PIKFYVE: variants seen among roughly 807,000 people sequenced by gnomAD.
PIKFYVE encodes the protein phosphoinositide kinase, FYVE-type zinc finger containing.
Under a neutral mutation model 257.9 loss-of-function variants are expected in PIKFYVE, and 122 were observed. The observed-to-expected ratio is 0.47, with a 90% CI of 0.41 to 0.55. The LOEUF (loss-of-function observed/expected upper bound fraction) is 0.55. Among genes scored for constraint, PIKFYVE ranks in the 20% least tolerant of loss-of-function variants. PIKFYVE has a pLI of 0.00. For synonymous variants in PIKFYVE, 892 were observed against 868.9 expected, an observed-to-expected ratio of 1.03 and a Z score of -0.47; for missense variants, 2,160 against 2,536.6, an observed-to-expected ratio of 0.85 and a Z score of 3.19.
In PIKFYVE at chr2:208,336,199, A is replaced by T; in HGVS notation, c.4519A>T (p.Arg1507Trp). 6.2e-7 allele frequency: 1 copy of T among 1,614,052 alleles called. No individual in the cohort carries two copies. Among genetic ancestry groups the T allele is most frequent in the South Asian group, 1.1e-5 (1 of 91,082 alleles). Residue 1507 changes from arginine (R) to tryptophan (W), a missense_variant and splice_region_variant, in exon 27 of 42, where the codon AGG becomes TGG. Coordinates refer to ENST00000264380, the MANE Select transcript of PIKFYVE (RefSeq NM_015040.4). ...TGAAGTGCTGCAAGCTTGGAATAAC[A>T]GGTGTGATTTTGCAGTCTGGTTTTC... Reference protein sequence around the residue: ...LCEVLQAWNNRLQDLFQQEKG... With the variant: ...LCEVLQAWNNWLQDLFQQEKG...
At chr2:208,335,686 A>T in intron 25 of PIKFYVE, 107 bp from the exon 26 acceptor site, 1 of 974,940 alleles carries the variant, frequency 1.0e-6, no homozygotes, top group South Asian at 1.4e-5. Context: ...TAATTAGGTA[A>T]AACATAATTT....
rs1159940499 is a variant in PIKFYVE at position 208,338,401 on chromosome 2, T to TA, written c.4612-106dup. On this transcript the variant is annotated intron_variant, in intron 28 of 41. Coordinates refer to ENST00000264380, the MANE Select transcript of PIKFYVE (RefSeq NM_015040.4). Reference sequence around the variant, plus strand: ...GGGGTTTTTAGTAATTTTTTAACGGTATAAATGGGTCCTGAGACCAAAAAG... The same window carrying TA: ...GGGGTTTTTAGTAATTTTTTAACGGTAATAAATGGGTCCTGAGACCAAAAAG... 4 of 890,252 alleles carry TA rather than the reference T, an allele frequency of 4.5e-6. No homozygotes were observed. The African/African-American group carries it at 5.0e-5, about 11-fold the overall frequency. 55.1% of individuals were successfully genotyped at this position (890,252 alleles called of 1,614,324 possible).
rs766910936 is a variant in PIKFYVE at position 208,325,905 on chromosome 2, ACCT to A, written c.3099_3101del (p.Ser1034del). Reference sequence around the variant, plus strand: ...TGGATTATATGTTACTGAGGAAGTCACCTCCTCTGAAGATAAACGAAAGACTTA... The same window carrying A: ...TGGATTATATGTTACTGAGGAAGTCACCTCTGAAGATAAACGAAAGACTTA... On this transcript the variant is annotated inframe_deletion, in exon 20 of 42. Coordinates refer to ENST00000264380, the MANE Select transcript of PIKFYVE (RefSeq NM_015040.4). 2 of 1,614,058 alleles carry A rather than the reference ACCT, an allele frequency of 1.2e-6. No individual in the cohort carries two copies. Among genetic ancestry groups the A allele is most frequent in the South Asian group, 1.1e-5 (1 of 91,070 alleles).
chr2:208,338,369 T>G (rs763087757), intron 28 of PIKFYVE, 139 bp from the exon 29 acceptor site: 1 of 644,510 alleles, frequency 1.6e-6, no homozygotes, highest in Non-Finnish European at 2.7e-6. Flanking sequence ...TAATTAAAAA[T>G]ATTAAGGGGG....
intron 5 of PIKFYVE, among the ~76,000 whole-genome samples, chr2:208,283,508 G>A (rs1691108407): frequency 6.6e-6 from 1 of 152,092 alleles, no homozygotes. Flanking sequence ...TTCCTTTATA[G>A]TGTAAGAAAC....
intron 6 of PIKFYVE, among the ~76,000 whole-genome samples, chr2:208,287,563 C>T (rs111275333): frequency 0.05 from 7,536 of 151,786 alleles, 397 homozygotes; most frequent in African/African-American, 0.13. Context: ...TGTGAGCCAC[C>T]GCGCCTGGCC....
chr2:208,352,282 A>G (rs908327810), intron 38 of PIKFYVE, among the ~76,000 whole-genome samples: 11 of 152,152 alleles, frequency 7.2e-5, no homozygotes, highest in Non-Finnish European at 1.6e-4. Context: ...GTCATTGAGC[A>G]GCCACCAGTG....
intron 5 of PIKFYVE, among the ~76,000 whole-genome samples, chr2:208,280,600 G>A (rs1690679781): frequency 6.6e-6 from 1 of 152,176 alleles, no homozygotes; most frequent in Non-Finnish European, 1.5e-5. Context: ...AAGATTAACG[G>A]TGTACATTTC....
At chr2:208,350,348 A>G (rs1699661954) in intron 36 of PIKFYVE, among the ~76,000 whole-genome samples, 1 of 152,190 alleles carries the variant, frequency 6.6e-6, no homozygotes, top group South Asian at 2.1e-4. Flanking sequence ...TATGTAATCT[A>G]GAGCCACAGA....
intron 17 of PIKFYVE, 43 bp downstream of exon 17, chr2:208,320,402 G>T (rs762857948): frequency 1.2e-6 from 2 of 1,601,622 alleles, no homozygotes; most frequent in East Asian, 2.2e-5. Context: ...AGGGATGTTT[G>T]TGTACCATGA....
intron 9 of PIKFYVE, among the ~76,000 whole-genome samples, 157 bp downstream of exon 9, chr2:208,301,251 A>C (rs916160766): frequency 6.6e-6 from 1 of 152,204 alleles, no homozygotes; most frequent in South Asian, 2.1e-4. Context: ...ACCCTCCTCC[A>C]ATCTGAGTTT....
intron 12 of PIKFYVE, chr2:208,305,416 A>G (rs1442124119): frequency 9.4e-7 from 1 of 1,060,788 alleles, no homozygotes; most frequent in African/African-American, 1.7e-5. Flanking sequence ...ATAATATTTC[A>G]CTAAACCCAT....
In PIKFYVE at chr2:208,277,566, A is replaced by G; in HGVS notation, c.471A>G (p.Pro157=). 1.9e-6 allele frequency: 3 copies of G among 1,613,920 alleles called. No homozygotes were observed. Among genetic ancestry groups the G allele is most frequent in the Non-Finnish European group, 2.5e-6 (3 of 1,179,776 alleles). ...QDSDLKQYWM[P]DSQCKECYDC... is the part of the protein sequence containing the mutation. The stretch of plus-strand genomic sequence containing the variant: ...GTGACCTGAAACAATACTGGATGCC[A>G]GATAGCCAATGTAAAGAGTGCTATG... The change falls in exon 5 of 42, where the codon CCA becomes CCG. Residue 157 remains proline, a synonymous_variant. Coordinates refer to ENST00000264380, the MANE Select transcript of PIKFYVE (RefSeq NM_015040.4).
At chr2:208,270,445 A>T (rs1689270788) in intron 1 of PIKFYVE, among the ~76,000 whole-genome samples, 2 of 152,166 alleles carry the variant, frequency 1.3e-5, no homozygotes, top group Admixed American at 1.3e-4. Flanking sequence ...CCATCTGGTG[A>T]TGTGGTTAGC....
intron 17 of PIKFYVE, among the ~76,000 whole-genome samples, chr2:208,321,736 C>T (rs143874030): frequency 0.018 from 2,744 of 152,038 alleles, 76 homozygotes; most frequent in African/African-American, 0.063. Flanking sequence ...TGCCACCATG[C>T]CTGGCTAATT....
At position 208,268,738 on chromosome 2, in the gene PIKFYVE, C is replaced by T. The variant is rs532535095; in HGVS notation, c.-10+2323C>T. On this transcript the variant is annotated intron_variant, in intron 1 of 41. Coordinates refer to ENST00000264380, the MANE Select transcript of PIKFYVE (RefSeq NM_015040.4). ...GAAGATATTAGAAACCTTCCTTCCC[C>T]TTCTTCTTCCTTTTCTCCTTCCTCT... is the stretch of plus-strand genomic sequence containing the variant. Among the ~76,000 whole-genome samples, 4 of 152,048 alleles carry T rather than the reference C, an allele frequency of 2.6e-5. No homozygotes were observed. In the South Asian group the frequency reaches 8.3e-4, roughly 32 times the overall value.
rs141714159 is a variant in PIKFYVE, at chr2:208,296,368, T to C, written c.912-2273T>C. 1.2e-4 allele frequency among the ~76,000 whole-genome samples: 19 copies of C among 152,248 alleles called. No individual in the cohort carries two copies. In the East Asian group the frequency reaches 2.3e-3, roughly 19 times the overall value. On this transcript the variant is annotated intron_variant, in intron 7 of 41. Coordinates refer to ENST00000264380, the MANE Select transcript of PIKFYVE (RefSeq NM_015040.4). ...TAATAGGATTTGCTAATCAACTGGA[T>C]GTAGGCTTCAACAGAAAGACATCAA...
intron 17 of PIKFYVE, 92 bp downstream of exon 17, chr2:208,320,451 T>C (rs1057456108): frequency 4.0e-6 from 6 of 1,501,528 alleles, no homozygotes; most frequent in Admixed American, 1.8e-5. Flanking sequence ...TAATTCTAGC[T>C]AATTAAATTG....
At chr2:208,317,775 T>TAA (rs67838836) in intron 15 of PIKFYVE, 92 bp from the exon 16 acceptor site, 18 of 1,239,328 alleles carry the variant, frequency 1.5e-5, no homozygotes, top group Non-Finnish European at 2.1e-5. Flanking sequence ...CATAATAGTT[T>TAA]AAAAAAAATG....
Sources: allele counts gnomAD v4.1 joint callset (sites outside exome capture counted in the v4.1 genomes callset), GRCh38; gene constraint gnomAD v4.1.1; transcripts MANE v1.5; gene names NCBI Gene and HGNC (gene_info 2026-07-23, HGNC 2026-07-21).